APC: variants seen among roughly 807,000 people sequenced by gnomAD.
APC encodes the protein adenomatous polyposis coli protein.
APC carries 72 observed loss-of-function variants against 247.0 expected under a neutral mutation model. The ratio of observed to expected loss-of-function variants is 0.29; its 90% CI spans 0.24 to 0.35. The LOEUF is 0.35. APC is among the 10% of genes least tolerant of loss of function. The pLI is 1.00. For missense variants in APC, 3,400 were observed against 3,360.7 expected, an observed-to-expected ratio of 1.01 and a Z score of -0.29; for synonymous variants, 1,254 against 1,162.5, an observed-to-expected ratio of 1.08 and a Z score of -1.60.
chr5:112,762,360 G>A (rs1217199041), intron 2 of APC, among the ~76,000 whole-genome samples: 1 of 152,144 alleles, frequency 6.6e-6, no homozygotes, highest in African/African-American at 2.4e-5. Context: ...AGAAGTGAGG[G>A]CAAGTGTCCA....
At position 112,828,457 on chromosome 5, in the gene APC, T is replaced by TA. The variant is rs34947690; in HGVS notation, c.1627-382dup. Among the ~76,000 whole-genome samples, 206 of 141,426 alleles carry TA rather than the reference T, an allele frequency of 1.5e-3. No homozygotes were observed. The South Asian group carries it at 0.018, about 12-fold the overall frequency. 92.8% of individuals were successfully genotyped at this position (141,426 alleles called of 152,430 possible). On this transcript the variant is annotated intron_variant, in intron 13 of 15. Transcript: ENST00000257430. ...ACTGTAGTAGCATTTAGGAGGAATTTAAAAAAAAAAAAAAAAACAGGATCT... is the reference window on the plus strand; with the variant it reads ...ACTGTAGTAGCATTTAGGAGGAATTTAAAAAAAAAAAAAAAAAACAGGATCT...
chr5:112,798,336 A>G (rs1246466478), intron 7 of APC, among the ~76,000 whole-genome samples: 1 of 152,254 alleles, frequency 6.6e-6, no homozygotes, highest in Non-Finnish European at 1.5e-5. Context: ...AAGTCCATTT[A>G]TATCAAATGT....
intron 7 of APC, among the ~76,000 whole-genome samples, chr5:112,799,529 T>C (rs55838903): frequency 0.029 from 4,405 of 152,142 alleles, 220 homozygotes; most frequent in African/African-American, 0.1. Flanking sequence ...TACATTAGCC[T>C]CCTAACTGGT....
At chr5:112,807,097 C>T (rs950452762) in intron 8 of APC, among the ~76,000 whole-genome samples, 4 of 150,234 alleles carry the variant, frequency 2.7e-5, no homozygotes, top group African/African-American at 9.9e-5. Context: ...TGTACCACTG[C>T]ACTCTAGCCT....
At chr5:112,791,405 C>G (rs974459703) in intron 6 of APC, among the ~76,000 whole-genome samples, 16 of 152,184 alleles carry the variant, frequency 1.1e-4, no homozygotes, top group African/African-American at 3.6e-4. Context: ...ACTGTTTAAA[C>G]CAGGGGTCCC....
At position 112,846,124 on chromosome 5, in the gene APC, C is replaced by T; in HGVS notation, c.*1998C>T. 1 of 232,308 alleles carries T rather than the reference C, an allele frequency of 4.3e-6. No individual in the cohort carries two copies. The highest frequency in any genetic ancestry group is 5.6e-5 in the Admixed American group (1 of 17,786). 14.4% of individuals were successfully genotyped at this position (232,308 alleles called of 1,614,324 possible). On this transcript the variant is annotated 3_prime_UTR_variant, in exon 16 of 16. Transcript: ENST00000257430. ...ACCACTTTGTAAACACTTCAATTTA[C>T]TATCTTTGAAATGATTGACCTTTAA...
chr5:112,801,316 A>G lies in APC; in HGVS notation c.767A>G (p.Asp256Gly), dbSNP rs1189229292. ...SQNKHETGSH[D>G]AERQNEGQGV... Reference sequence around the variant, plus strand: ...AACAAGCATGAAACCGGCTCACATGATGCTGAGCGGCAGAATGAAGGTCAA... The same window carrying G: ...AACAAGCATGAAACCGGCTCACATGGTGCTGAGCGGCAGAATGAAGGTCAA... Residue 256 changes from aspartate to glycine, a missense_variant, in exon 8 of 16, where the codon GAT becomes GGT. Asp to Gly is a moderately conservative substitution (Grantham distance 94, BLOSUM62 -1). Coordinates refer to ENST00000257430, the MANE Select transcript of APC (RefSeq NM_000038.6). The G allele has an allele frequency of 6.2e-7, 1 of 1,613,118 alleles. No homozygotes were observed. Among genetic ancestry groups the G allele is most frequent in the Admixed American group, 1.7e-5 (1 of 59,962 alleles).
chr5:112,722,833 T>C (rs1399032387), intron 1 of APC, among the ~76,000 whole-genome samples: 3 of 152,150 alleles, frequency 2.0e-5, no homozygotes, highest in African/African-American at 7.2e-5. Context: ...TTCAGCTATA[T>C]GGAAGCTGTC....
At chr5:112,708,328 T>G (rs1014115746) in intron 1 of APC, among the ~76,000 whole-genome samples, 1 of 152,190 alleles carries the variant, frequency 6.6e-6, no homozygotes, top group Non-Finnish European at 1.5e-5. Flanking sequence ...CAAAGGCCGG[T>G]GAATTTTGTT....
intron 6 of APC, among the ~76,000 whole-genome samples, chr5:112,783,509 CATGCCAGGCATGG>C (rs1758586720): frequency 6.6e-6 from 1 of 151,288 alleles, no homozygotes; most frequent in Non-Finnish European, 1.5e-5. Context: ...AATGGTCAAC[CATGCCAGGCATGG>C]TGATTCACAC....
At chr5:112,716,828 G>A (rs1053352019) in intron 1 of APC, among the ~76,000 whole-genome samples, 1 of 152,236 alleles carries the variant, frequency 6.6e-6, no homozygotes, top group Non-Finnish European at 1.5e-5. Context: ...AGTTTGAGAT[G>A]AATATAACAA....
intron 1 of APC, among the ~76,000 whole-genome samples, chr5:112,712,716 C>T (rs1561397756): frequency 6.6e-6 from 1 of 152,096 alleles, no homozygotes; most frequent in South Asian, 2.1e-4. Context: ...ATTCCTCTTC[C>T]CCCGATTTCT....
chr5:112,821,842 T>G, intron 10 of APC, 54 bp from the exon 11 acceptor site: 1 of 1,379,152 alleles, frequency 7.3e-7, no homozygotes, highest in Non-Finnish European at 1.0e-6. Flanking sequence ...ACAATAAACA[T>G]CATTGCTCTT....
intron 3 of APC, 37 bp from the exon 4 acceptor site, chr5:112,767,152 C>T (rs2149787232): frequency 6.7e-7 from 1 of 1,484,636 alleles, no homozygotes. Flanking sequence ...CTGCTTAAAG[C>T]AATTGTTGTA....
chr5:112,765,740 G>GA (rs1295785259), intron 2 of APC, among the ~76,000 whole-genome samples: 2 of 151,996 alleles, frequency 1.3e-5, no homozygotes, highest in Non-Finnish European at 2.9e-5. Context: ...CATTCTTTGA[G>GA]AAAAAATGAT....
intron 2 of APC, among the ~76,000 whole-genome samples, chr5:112,765,696 G>T (rs572675109): frequency 6.6e-6 from 1 of 152,100 alleles, no homozygotes; most frequent in South Asian, 2.1e-4. Context: ...CAAATGTAAT[G>T]GCAGAAAAAC....
intron 1 of APC, among the ~76,000 whole-genome samples, chr5:112,722,355 A>G (rs984708291): frequency 6.6e-6 from 1 of 152,260 alleles, no homozygotes; most frequent in Non-Finnish European, 1.5e-5. Context: ...TTAACATAGT[A>G]AAAGACATCT....
chr5:112,815,415 A>C (rs991454694), intron 8 of APC, 80 bp from the exon 9 acceptor site: 1 of 1,000,856 alleles, frequency 1.0e-6, no homozygotes, highest in African/African-American at 1.6e-5. Flanking sequence ...CAGACACTTC[A>C]TTTGGAGTAC....
chr5:112,775,819 G>T, intron 5 of APC, 82 bp downstream of exon 5: 1 of 768,970 alleles, frequency 1.3e-6, no homozygotes, highest in Non-Finnish European at 2.2e-6. Context: ...TTAAAATTCA[G>T]GATAACTGAA....
Sources: gnomAD v4.1 joint callset for allele counts (sites outside exome capture counted in the v4.1 genomes callset) on GRCh38, gnomAD v4.1.1 for gene constraint, MANE v1.5 for transcripts, NCBI Gene and HGNC (gene_info 2026-07-23, HGNC 2026-07-21) for gene names.